OR3A2: variants seen among roughly 807,000 people sequenced by gnomAD.
The protein encoded by OR3A2 is olfactory receptor family 3 subfamily A member 2.
For missense variants in OR3A2, 318 were observed against 392.8 expected (o/e 0.81, Z 1.61); for synonymous variants, 126 against 159.3 (o/e 0.79, Z 1.57).
chr17:3,356,487 A>C (rs2049466654), intron 2 of OR3A2, among the ~76,000 whole-genome samples: 1 of 151,510 alleles, frequency 6.6e-6, no homozygotes, highest in African/African-American at 2.4e-5. Flanking sequence ...CTTGAAGGAT[A>C]TTTTAGCAAC....
intron 3 of OR3A2, among the ~76,000 whole-genome samples, chr17:3,298,876 G>A (rs1449295608): frequency 2.0e-5 from 3 of 152,176 alleles, no homozygotes; most frequent in Admixed American, 6.5e-5. Context: ...ATCCACTGCC[G>A]TGTCAGCCTC....
intron 3 of OR3A2, among the ~76,000 whole-genome samples, chr17:3,315,068 T>C (rs995686285): frequency 6.6e-6 from 1 of 152,262 alleles, no homozygotes; most frequent in African/African-American, 2.4e-5. Context: ...GTACCACATT[T>C]TCCTTATCCA....
At chr17:3,355,576 C>T (rs2049460197) in intron 2 of OR3A2, among the ~76,000 whole-genome samples, 1 of 151,226 alleles carries the variant, frequency 6.6e-6, no homozygotes, top group Non-Finnish European at 1.5e-5. Flanking sequence ...ATATAATGCC[C>T]TTCTTTTTCT....
At chr17:3,324,771 C>T (rs769010184) in intron 3 of OR3A2, among the ~76,000 whole-genome samples, 12 of 152,064 alleles carry the variant, frequency 7.9e-5, no homozygotes, top group Admixed American at 2.6e-4. Flanking sequence ...CGCCCCTACT[C>T]GGGGGTGCCT....
chr17:3,301,141 A>G (rs941513521), intron 3 of OR3A2, among the ~76,000 whole-genome samples: 2 of 152,164 alleles, frequency 1.3e-5, no homozygotes, highest in African/African-American at 2.4e-5. Context: ...GAATGGTGCC[A>G]CAATAAACAT....
At chr17:3,380,451 A>G (rs1037513072) in intron 2 of OR3A2, among the ~76,000 whole-genome samples, 1 of 152,102 alleles carries the variant, frequency 6.6e-6, no homozygotes. Flanking sequence ...GGGTGGAATG[A>G]TATCTAGGAA....
chr17:3,283,809 T>G (rs1442181391), intron 1 of OR3A2, among the ~76,000 whole-genome samples: 1 of 151,444 alleles, frequency 6.6e-6, no homozygotes. Flanking sequence ...AAGTAAGTCA[T>G]GGTCAGGGGT....
intron 2 of OR3A2, among the ~76,000 whole-genome samples, chr17:3,380,811 T>TG (rs1056487376): frequency 1.5e-4 from 23 of 152,266 alleles, no homozygotes; most frequent in African/African-American, 5.1e-4. Flanking sequence ...GGGCCACTGA[T>TG]GGTTTCCCTG....
At chr17:3,378,637 T>C (rs997533356) in intron 2 of OR3A2, among the ~76,000 whole-genome samples, 1 of 151,844 alleles carries the variant, frequency 6.6e-6, no homozygotes, top group Non-Finnish European at 1.5e-5. Context: ...TGGCCGCACC[T>C]CCCCTGCTGC....
At chr17:3,276,973 G>T (rs2048740014), downstream of OR3A2, 1 of 148,402 alleles carries the variant, frequency 6.7e-6, no homozygotes, top group Non-Finnish European at 1.5e-5. Context: ...GCCCAGGCTG[G>T]AGTGCAGTGG....
upstream of OR3A2, among the ~76,000 whole-genome samples, chr17:3,287,515 A>C (rs997843779): frequency 6.6e-6 from 1 of 152,216 alleles, no homozygotes. Context: ...TATAACAGCC[A>C]TTTAAAATTT....
At chr17:3,344,945 T>C (rs1213866181) in intron 2 of OR3A2, among the ~76,000 whole-genome samples, 1 of 152,154 alleles carries the variant, frequency 6.6e-6, no homozygotes, top group African/African-American at 2.4e-5. Flanking sequence ...ACAAAGTCTC[T>C]AGGACTCACT....
At chr17:3,300,696 T>G (rs2150626088) in intron 3 of OR3A2, among the ~76,000 whole-genome samples, 1 of 152,332 alleles carries the variant, frequency 6.6e-6, no homozygotes, top group Admixed American at 6.5e-5. Flanking sequence ...TTTTTTCTTT[T>G]TTTTTTAAAT....
chr17:3,366,048 C>CA (rs1177855841), intron 2 of OR3A2, among the ~76,000 whole-genome samples: 5 of 152,086 alleles, frequency 3.3e-5, no homozygotes, highest in Non-Finnish European at 2.9e-5. Flanking sequence ...TATGTTCACT[C>CA]AAGAGTCAAA....
intron 3 of OR3A2, among the ~76,000 whole-genome samples, chr17:3,321,719 A>G (rs909309960): frequency 6.6e-6 from 1 of 152,180 alleles, no homozygotes; most frequent in African/African-American, 2.4e-5. Flanking sequence ...CTTGCATCCC[A>G]GGGATGAAGC....
chr17:3,319,082 G>A (rs551463997), intron 3 of OR3A2, among the ~76,000 whole-genome samples: 41 of 152,222 alleles, frequency 2.7e-4, no homozygotes, highest in African/African-American at 9.9e-4. Flanking sequence ...GTACACTGGT[G>A]AATAAATGAT....
At chr17:3,331,780 G>A (rs1307703227) in intron 3 of OR3A2, among the ~76,000 whole-genome samples, 1 of 152,020 alleles carries the variant, frequency 6.6e-6, no homozygotes, top group Non-Finnish European at 1.5e-5. Flanking sequence ...CTTTGGAGGA[G>A]GAGAGGCGCT....
intron 2 of OR3A2, among the ~76,000 whole-genome samples, chr17:3,359,313 T>C (rs900043241): frequency 1.3e-5 from 2 of 151,742 alleles, no homozygotes; most frequent in Admixed American, 6.6e-5. Flanking sequence ...GATCCTGTCA[T>C]TGTGCTGTTA....
chr17:3,362,798 T>C (rs2049529364), intron 2 of OR3A2, among the ~76,000 whole-genome samples: 1 of 151,804 alleles, frequency 6.6e-6, no homozygotes, highest in African/African-American at 2.4e-5. Flanking sequence ...GATGTTTCCA[T>C]ACATCCTCTG....
Sources: allele counts gnomAD v4.1 joint callset (sites outside exome capture counted in the v4.1 genomes callset), GRCh38; gene constraint gnomAD v4.1.1; transcripts MANE v1.5; gene names NCBI Gene and HGNC (gene_info 2026-07-23, HGNC 2026-07-21).